The following ADARB2 variants were observed in gnomAD, a reference collection of about 807,000 sequenced individuals.
ADARB2 encodes the protein adenosine deaminase RNA specific B2 (inactive).
In ADARB2, 25 loss-of-function variants were observed where a neutral mutation model predicts 62.2. The ratio of observed to expected loss-of-function variants is 0.40; its 90% CI spans 0.29 to 0.56. The LOEUF is 0.56. Ranked by LOEUF, ADARB2 falls within the 20% of genes least tolerant of loss-of-function variation. The pLI is 0.43. For synonymous variants in ADARB2, 572 were observed against 500.8 expected, an observed-to-expected ratio of 1.14 and a Z score of -1.90; for missense variants, 1,071 against 1,077.4, an observed-to-expected ratio of 0.99 and a Z score of 0.08.
chr10:1,617,727 T>C (rs908821654), intron 1 of ADARB2, among the ~76,000 whole-genome samples: 4 of 147,544 alleles, frequency 2.7e-5, no homozygotes, highest in East Asian at 2.1e-4. Context: ...CCTCAGAGGG[T>C]TGCATTCTGT....
chr10:1,642,997 G>A (rs1474603687), intron 1 of ADARB2, among the ~76,000 whole-genome samples: 1 of 152,220 alleles, frequency 6.6e-6, no homozygotes. Context: ...GTGTGCAAGC[G>A]CAGGGCCAAG....
rs537562433 is a variant in ADARB2, at chr10:1,459,489, G to A, written c.101-80329C>T. ...AATGGTGAGGACACAAGGGCCAGGCGCAGTGGCTTGTGCCTGTAATCTCAG... is the reference window on the plus strand; with the variant it reads ...AATGGTGAGGACACAAGGGCCAGGCACAGTGGCTTGTGCCTGTAATCTCAG... On this transcript the variant is annotated intron_variant, in intron 1 of 9. Transcript: ENST00000381312. Among the ~76,000 whole-genome samples, 8 of 151,170 alleles carry A rather than the reference G, an allele frequency of 5.3e-5. No homozygotes were observed. The South Asian group carries it at 1.3e-3, about 24-fold the overall frequency.
intron 1 of ADARB2, among the ~76,000 whole-genome samples, chr10:1,533,674 T>C (rs1832279223): frequency 6.6e-6 from 1 of 152,200 alleles, no homozygotes; most frequent in Non-Finnish European, 1.5e-5. Context: ...TGAGCATATT[T>C]CCTAAACTAT....
At position 1,398,753 on chromosome 10, in the gene ADARB2, C is replaced by T. The variant is rs1271303714; in HGVS notation, c.101-19593G>A. Among the ~76,000 whole-genome samples, 1 of 152,166 alleles carries T rather than the reference C, an allele frequency of 6.6e-6. No homozygotes were observed. The highest frequency in any genetic ancestry group is 2.4e-5 in the African/African-American group (1 of 41,424). On this transcript the variant is annotated intron_variant, in intron 1 of 9. Coordinates refer to ENST00000381312, the MANE Select transcript of ADARB2 (RefSeq NM_018702.4). This position sits in a 1 kb window ranked among gnomAD's most constrained non-coding sequence, Gnocchi z 4.1. ...TCTGACCCTCAAATTACCCAGCTCTCGGCTCTGCGTGGATTGGCGTGCCCG... is the reference window on the plus strand; with the variant it reads ...TCTGACCCTCAAATTACCCAGCTCTTGGCTCTGCGTGGATTGGCGTGCCCG...
At chr10:1,438,017 C>T (rs1226869688) in intron 1 of ADARB2, among the ~76,000 whole-genome samples, 1 of 152,258 alleles carries the variant, frequency 6.6e-6, no homozygotes, top group Admixed American at 6.5e-5. Flanking sequence ...CCCTTCCCTT[C>T]CTGCCACCTC....
chr10:1,478,968 T>G (rs1315499834), intron 1 of ADARB2, among the ~76,000 whole-genome samples: 1 of 152,098 alleles, frequency 6.6e-6, no homozygotes, highest in African/African-American at 2.4e-5. Flanking sequence ...AGATGGGTCT[T>G]CACCAACGAA....
At chr10:1,657,001 TTG>T (rs58944098) in intron 1 of ADARB2, among the ~76,000 whole-genome samples, 239 of 148,788 alleles carry the variant, frequency 1.6e-3, no homozygotes, top group African/African-American at 4.2e-3. Flanking sequence ...ATCTAGTGTT[TTG>T]TGTGTGTGTG....
chr10:1,524,932 A>G (rs1342524411), intron 1 of ADARB2, among the ~76,000 whole-genome samples: 1 of 152,234 alleles, frequency 6.6e-6, no homozygotes. Flanking sequence ...GAGCCTCCAG[A>G]TTTAAAGATA....
intron 1 of ADARB2, among the ~76,000 whole-genome samples, chr10:1,453,074 C>A (rs1301700357): frequency 6.6e-6 from 1 of 152,178 alleles, no homozygotes; most frequent in Non-Finnish European, 1.5e-5. Context: ...GTCTGTGACG[C>A]CTAGTCCCTT....
intron 1 of ADARB2, among the ~76,000 whole-genome samples, chr10:1,733,735 A>T (rs1204286435): frequency 6.6e-6 from 1 of 152,212 alleles, no homozygotes; most frequent in Admixed American, 6.5e-5. Flanking sequence ...ATATTACTCT[A>T]TATAACCACA....
intron 1 of ADARB2, among the ~76,000 whole-genome samples, chr10:1,714,238 C>T (rs961358615): frequency 6.6e-6 from 1 of 152,200 alleles, no homozygotes; most frequent in Non-Finnish European, 1.5e-5. Flanking sequence ...ATTTAGATTG[C>T]GTTCGCAGCT....
At chr10:1,652,474 T>C (rs1834123155) in intron 1 of ADARB2, among the ~76,000 whole-genome samples, 1 of 152,224 alleles carries the variant, frequency 6.6e-6, no homozygotes, top group African/African-American at 2.4e-5. Context: ...TTTTGGATTC[T>C]GTCCTCCTAC....
At chr10:1,705,903 A>G (rs1348461289) in intron 1 of ADARB2, among the ~76,000 whole-genome samples, 1 of 152,148 alleles carries the variant, frequency 6.6e-6, no homozygotes, top group Non-Finnish European at 1.5e-5. Context: ...TTCCCTAGCT[A>G]TTCTAGGATC....
chr10:1,696,270 GTT>G (rs768004952), intron 1 of ADARB2, among the ~76,000 whole-genome samples: 14,040 of 152,194 alleles, frequency 0.092, 789 homozygotes, highest in African/African-American at 0.16. Context: ...GTATGTGCCT[GTT>G]TGTGTGTATG....
chr10:1,427,416 C>T (rs982477338), intron 1 of ADARB2, among the ~76,000 whole-genome samples: 1 of 152,068 alleles, frequency 6.6e-6, no homozygotes, highest in African/African-American at 2.4e-5. Context: ...GGGCAAAAGA[C>T]AAGAAAAGAT....
At chr10:1,588,157 C>A (rs1344719760) in intron 1 of ADARB2, among the ~76,000 whole-genome samples, 3 of 152,160 alleles carry the variant, frequency 2.0e-5, no homozygotes, top group African/African-American at 7.2e-5. Flanking sequence ...CAAGACCCAC[C>A]TTGCAGGACA....
At chr10:1,716,232 C>A (rs2119158132) in intron 1 of ADARB2, among the ~76,000 whole-genome samples, 1 of 152,354 alleles carries the variant, frequency 6.6e-6, no homozygotes, top group Non-Finnish European at 1.5e-5. Flanking sequence ...ACACACTGGG[C>A]AGCCTCTGTA....
intron 3 of ADARB2, among the ~76,000 whole-genome samples, chr10:1,300,534 T>C (rs564995256): frequency 6.6e-6 from 1 of 152,292 alleles, no homozygotes; most frequent in South Asian, 2.1e-4. Flanking sequence ...ATATCTTTCC[T>C]ATGTTACTCA....
chr10:1,394,746 C>T (rs1394689221), intron 1 of ADARB2: 9 of 428,198 alleles, frequency 2.1e-5, no homozygotes, highest in Non-Finnish European at 4.2e-5. Context: ...GGTCTGAAGC[C>T]AGGGCCTGAG....
Sources: gnomAD v4.1 joint callset for allele counts (sites outside exome capture counted in the v4.1 genomes callset) on GRCh38, gnomAD v4.1.1 for gene constraint, Gnocchi (gnomAD v3.1) non-coding constraint, MANE v1.5 for transcripts, NCBI Gene and HGNC (gene_info 2026-07-23, HGNC 2026-07-21) for gene names.